SLC25A48: variants seen among roughly 807,000 people sequenced by gnomAD.
SLC25A48 encodes the protein solute carrier family 25 member 48.
In SLC25A48, 29 loss-of-function variants were observed where a neutral mutation model predicts 32.2. The observed-to-expected ratio is 0.90, with a 90% CI of 0.67 to 1.23. SLC25A48 has a LOEUF of 1.23. Ranked by LOEUF, SLC25A48 falls within the 50% of genes most tolerant of loss-of-function variation. SLC25A48 has a pLI of 0.00. For missense variants in SLC25A48, 399 were observed against 422.7 expected, an observed-to-expected ratio of 0.94 and a Z score of 0.49; for synonymous variants, 164 against 172.3, an observed-to-expected ratio of 0.95 and a Z score of 0.38.
intron 3 of SLC25A48, among the ~76,000 whole-genome samples, chr5:135,697,499 T>C (rs1754296007): frequency 6.6e-6 from 1 of 152,170 alleles, no homozygotes; most frequent in Non-Finnish European, 1.5e-5. Context: ...TCTTTTCCCT[T>C]TTTGAGGAGT....
chr5:135,788,905 C>A (rs1355457260), intron 3 of SLC25A48, among the ~76,000 whole-genome samples: 3 of 146,176 alleles, frequency 2.1e-5, no homozygotes, highest in African/African-American at 7.6e-5. Flanking sequence ...TACACCCCCA[C>A]GCCATATGGT....
At chr5:135,798,663 A>G (rs781518770) in intron 3 of SLC25A48, among the ~76,000 whole-genome samples, 2 of 151,620 alleles carry the variant, frequency 1.3e-5, no homozygotes, top group Non-Finnish European at 2.9e-5. Context: ...TCAGAAGGTG[A>G]GAGGATAATA....
upstream of SLC25A48, among the ~76,000 whole-genome samples, chr5:135,833,507 A>G (rs1758283374): frequency 6.6e-6 from 1 of 152,216 alleles, no homozygotes; most frequent in South Asian, 2.1e-4. Flanking sequence ...CCCGGGCATG[A>G]CAGGGCACAG....
intron 2 of SLC25A48, among the ~76,000 whole-genome samples, chr5:135,848,739 C>T (rs906200036): frequency 3.3e-5 from 5 of 152,100 alleles, no homozygotes; most frequent in Non-Finnish European, 7.3e-5. Flanking sequence ...AAATAGGCCC[C>T]GAACAAATAT....
At chr5:135,799,445 A>G (rs1302263430) in intron 3 of SLC25A48, among the ~76,000 whole-genome samples, 1 of 150,568 alleles carries the variant, frequency 6.6e-6, no homozygotes, top group Non-Finnish European at 1.5e-5. Context: ...AGATAATGTG[A>G]CTCCCAATAT....
chr5:135,636,970 C>A (rs1157494185), intron 3 of SLC25A48, among the ~76,000 whole-genome samples: 2 of 136,050 alleles, frequency 1.5e-5, no homozygotes, highest in Non-Finnish European at 3.3e-5. Context: ...GAGTGGGTAT[C>A]CGTTACGAGT....
intron 3 of SLC25A48, among the ~76,000 whole-genome samples, chr5:135,755,615 T>C (rs1755880452): frequency 6.6e-6 from 1 of 152,036 alleles, no homozygotes; most frequent in Admixed American, 6.6e-5. Context: ...CAACGCACTA[T>C]GGTATTAATG....
At chr5:135,711,410 C>T (rs1157968208) in intron 3 of SLC25A48, among the ~76,000 whole-genome samples, 2 of 152,136 alleles carry the variant, frequency 1.3e-5, no homozygotes, top group African/African-American at 4.8e-5. Flanking sequence ...GGAAACCATT[C>T]GTAGCTTCAA....
At chr5:135,807,396 A>T (rs1471675172) in intron 3 of SLC25A48, among the ~76,000 whole-genome samples, 1 of 150,684 alleles carries the variant, frequency 6.6e-6, no homozygotes, top group African/African-American at 2.4e-5. Context: ...AATATTATGG[A>T]TATTTCATTA....
chr5:135,801,440 GTAATATC>G (rs1040681700), intron 3 of SLC25A48, among the ~76,000 whole-genome samples: 11 of 150,266 alleles, frequency 7.3e-5, no homozygotes, highest in African/African-American at 2.0e-4. Context: ...GATATTGTTG[GTAATATC>G]TAGGGGGCGA....
chr5:135,838,150 A>G (rs1758686364), intron 1 of SLC25A48, among the ~76,000 whole-genome samples: 1 of 152,218 alleles, frequency 6.6e-6, no homozygotes, highest in Non-Finnish European at 1.5e-5. Flanking sequence ...GCTATGTTTT[A>G]GCAAAGAGAC....
At chr5:135,723,414 A>AC (rs70976577) in intron 3 of SLC25A48, among the ~76,000 whole-genome samples, 4 of 145,814 alleles carry the variant, frequency 2.7e-5, no homozygotes, top group South Asian at 2.2e-4. Context: ...ACACACACAC[A>AC]ATGGGGAGGG....
chr5:135,879,957 C>T lies in SLC25A48; in HGVS notation c.814-11C>T. 6.5e-7 allele frequency: 1 copy of T among 1,536,256 alleles called. No individual in the cohort carries two copies. Among genetic ancestry groups the T allele is most frequent in the Non-Finnish European group, 8.7e-7 (1 of 1,146,888 alleles). ...GTCAGTCCCCTGCAATAACCTGGCC[C>T]CTGTGCAAAGGTGTTTTTCAGAGGC... On this transcript the variant is annotated splice_polypyrimidine_tract_variant and intron_variant, in intron 6 of 7. Transcript: ENST00000681962.
At chr5:135,740,239 G>A (rs1414269918) in intron 3 of SLC25A48, among the ~76,000 whole-genome samples, 1 of 152,066 alleles carries the variant, frequency 6.6e-6, no homozygotes, top group Non-Finnish European at 1.5e-5. Context: ...TGTCACCCAG[G>A]CTGGAGTGCA....
chr5:135,804,385 C>T (rs967816226), intron 3 of SLC25A48, among the ~76,000 whole-genome samples: 13 of 151,660 alleles, frequency 8.6e-5, no homozygotes, highest in Admixed American at 1.3e-4. Context: ...AGGGTTTCCA[C>T]CCATAATGTA....
intron 3 of SLC25A48, chr5:135,653,968 AGCG>A (rs1753180364): frequency 2.2e-6 from 1 of 455,502 alleles, no homozygotes. Context: ...TGGTGAGGGT[AGCG>A]GCAGGGCTAA....
At chr5:135,800,882 A>G (rs892007267) in intron 3 of SLC25A48, among the ~76,000 whole-genome samples, 7 of 150,324 alleles carry the variant, frequency 4.7e-5, no homozygotes, top group Admixed American at 4.0e-4. Context: ...AGAGGATGAT[A>G]TCACTCCCCA....
chr5:135,783,633 T>A lies in SLC25A48; in HGVS notation c.-520-28890T>A, dbSNP rs1192890645. Among the ~76,000 whole-genome samples the A allele has an allele frequency of 1.9e-5, 2 of 107,646 alleles. 1 individual carries two copies. Among genetic ancestry groups the A allele is most frequent in the Non-Finnish European group, 4.6e-5 (2 of 43,034 alleles). 70.6% of individuals were successfully genotyped at this position (107,646 alleles called of 152,430 possible). Reference sequence around the variant, plus strand: ...AATCCCAATATCAAATGGGTTGTACTTCCCAGTGATATTGTTCCTAATATC... The same window carrying A: ...AATCCCAATATCAAATGGGTTGTACATCCCAGTGATATTGTTCCTAATATC... On this transcript the variant is annotated intron_variant, in intron 3 of 10. Transcript: ENST00000646290.
chr5:135,833,873 G>A (rs1348663119), upstream of SLC25A48, among the ~76,000 whole-genome samples: 3 of 152,166 alleles, frequency 2.0e-5, no homozygotes, highest in Non-Finnish European at 2.9e-5. Flanking sequence ...CCTGGATGAC[G>A]TGACATGAAT....
Sources: gnomAD v4.1 joint callset for allele counts (sites outside exome capture counted in the v4.1 genomes callset) on GRCh38, gnomAD v4.1.1 for gene constraint, MANE v1.5 for transcripts, NCBI Gene and HGNC (gene_info 2026-07-23, HGNC 2026-07-21) for gene names.